The following CLDN25 variants were observed in gnomAD, a reference collection of about 807,000 sequenced individuals.
CLDN25 encodes the protein claudin-25.
For synonymous variants in CLDN25, 117 were observed against 112.7 expected, an observed-to-expected ratio of 1.04 and a Z score of -0.24; for missense variants, 286 against 279.7, an observed-to-expected ratio of 1.02 and a Z score of -0.16.
At position 113,780,174 on chromosome 11, in the gene CLDN25, G is replaced by A. The variant is rs201922794; in HGVS notation, c.379G>A (p.Ala127Thr). The A allele has an allele frequency of 1.9e-4, 300 of 1,613,994 alleles. 2 individuals carry two copies. The East Asian group carries it at 6.0e-3, about 32-fold the overall frequency. ...TGGTCTCCTGGGAAGGACTTTGGAG[G>A]CATCCGCTTCAGCCACTACCCTCCT... The change falls in exon 1 of 1, where the codon GCA becomes ACA. Residue 127 changes from alanine (A) to threonine (T), a missense_variant. Ala to Thr is a moderately conservative substitution (Grantham distance 58). Coordinates refer to ENST00000453129, the Ensembl canonical transcript of CLDN25.
At chr11:113,780,413 A>G (rs1228254429) in exon 1 of CLDN25, 44 of 1,613,504 alleles carry the variant, frequency 2.7e-5, no homozygotes, top group Non-Finnish European at 3.6e-5. Flanking sequence ...CAGTCCCCCT[A>G]TCCTGTGCTC....
chr11:113,780,372 G>A (rs754987182), exon 1 of CLDN25: 3 of 1,613,906 alleles, frequency 1.9e-6, no homozygotes, highest in Non-Finnish European at 2.5e-6. Flanking sequence ...GGGAAAAGAA[G>A]ATGTGCCTTT....
At chr11:113,779,958 G>A (rs746964341) in exon 1 of CLDN25, 39 of 1,613,600 alleles carry the variant, frequency 2.4e-5, no homozygotes, top group Admixed American at 1.0e-4. Flanking sequence ...GGAGGTCTGC[G>A]TGGATCGAGA....
rs17115958 is a variant in CLDN25 at position 113,779,918 on chromosome 11, C to A, written c.123C>A (p.Asn41Lys). The A allele has an allele frequency of 6.8e-6, 11 of 1,613,704 alleles. No homozygotes were observed. The highest frequency in any genetic ancestry group is 1.7e-5 in the Admixed American group (1 of 60,008). The change falls in exon 1 of 1, where the codon AAC (asparagine) becomes AAA (lysine). Residue 41 changes from asparagine (N) to lysine (K), a missense_variant. By Grantham distance (94) the Asn-to-Lys change is moderately conservative. Coordinates refer to ENST00000453129, the Ensembl canonical transcript of CLDN25. ...GGAAGACTCTTAATCTGGAACTGAACGAGATGGAGACCTGGATCATGGGGA... is the reference window on the plus strand; with the variant it reads ...GGAAGACTCTTAATCTGGAACTGAAAGAGATGGAGACCTGGATCATGGGGA...
Position 113,780,088 on chromosome 11 carries a change from GC to G in CLDN25, c.294del (p.Cys98Ter). 1 of 1,614,024 alleles carries G rather than the reference GC, an allele frequency of 6.2e-7. No individual in the cohort carries two copies. The highest frequency in any genetic ancestry group is 1.7e-5 in the Admixed American group (1 of 60,024). On this transcript the variant is annotated frameshift_variant, in exon 1 of 1. Coordinates refer to ENST00000453129, the Ensembl canonical transcript of CLDN25. LOFTEE classifies it low-confidence loss of function (END_TRUNC). ...CTGGGCCTATTGGGGCTTTTGCTCT[GC>G]AGCTTTGGGTCTGAATGCTTCCAGT...
rs779540850 is a variant in CLDN25 at position 113,780,234 on chromosome 11, G to C, written c.439G>C (p.Asp147His). The C allele has an allele frequency of 1.5e-5, 24 of 1,613,780 alleles. No homozygotes were observed. The highest frequency in any genetic ancestry group is 1.9e-5 in the Non-Finnish European group (22 of 1,179,882). ...CTGGGTGGCCCATGCCACAATCCAA[G>C]ACTTCTGGGATGACAGCATCCCTGA... The change falls in exon 1 of 1, where the codon GAC (aspartate) becomes CAC (histidine). Residue 147 changes from aspartate (D) to histidine (H), a missense_variant. Asp to His is a moderately conservative substitution (Grantham distance 81). Coordinates refer to ENST00000453129, the Ensembl canonical transcript of CLDN25.
exon 1 of CLDN25, chr11:113,780,025 T>A: frequency 6.2e-7 from 1 of 1,614,038 alleles, no homozygotes; most frequent in Non-Finnish European, 8.5e-7. Context: ...CCCCAGGAGC[T>A]CCAGGTAGCC....
exon 1 of CLDN25, chr11:113,780,430 A>G (rs761672821): frequency 1.9e-6 from 3 of 1,613,646 alleles, no homozygotes; most frequent in East Asian, 4.5e-5. Flanking sequence ...GCTCCAGTGG[A>G]GGAGTCAGAT....
exon 1 of CLDN25, chr11:113,780,427 T>C (rs1274009305): frequency 1.2e-6 from 2 of 1,613,890 alleles, no homozygotes; most frequent in Admixed American, 3.3e-5. Context: ...TGTGCTCCAG[T>C]GGAGGAGTCA....
exon 1 of CLDN25, chr11:113,779,970 G>C: frequency 6.2e-7 from 1 of 1,613,786 alleles, no homozygotes; most frequent in African/African-American, 1.3e-5. Context: ...GGATCGAGAG[G>C]AAGTCGCCAC....
chr11:113,780,110 C>T lies in CLDN25; in HGVS notation c.315C>T (p.Phe105=), dbSNP rs765879630. 5.0e-6 allele frequency: 8 copies of T among 1,614,014 alleles called. No homozygotes were observed. The Admixed American group carries it at 1.2e-4, about 24-fold the overall frequency. ...TCTGCAGCTTTGGGTCTGAATGCTT[C>T]CAGTTTCACAGGATCAGATGGGTAT... Residue 105 remains phenylalanine (F), a synonymous_variant, in exon 1 of 1, where the codon TTC becomes TTT. Coordinates refer to ENST00000453129, the Ensembl canonical transcript of CLDN25.
exon 1 of CLDN25, chr11:113,780,327 C>T (rs1937807687): frequency 6.2e-7 from 1 of 1,613,702 alleles, no homozygotes; most frequent in South Asian, 1.1e-5. Context: ...TTTCCTGGCT[C>T]TTGGTGGGCT....
rs753506514 is a variant in CLDN25, at chr11:113,779,830, G to C, written c.35G>C (p.Gly12Ala). ...AGTTTCCGTGCAAAAGTCCAGCTCGGGGGGCTACTTCTCTCCCTCCTTGGC... is the reference window on the plus strand; with the variant it reads ...AGTTTCCGTGCAAAAGTCCAGCTCGCGGGGCTACTTCTCTCCCTCCTTGGC... Residue 12 changes from glycine to alanine, a missense_variant, in exon 1 of 1, where the codon GGG (glycine) becomes GCG (alanine). Transcript: ENST00000453129. 15 of 1,613,366 alleles carry C rather than the reference G, an allele frequency of 9.3e-6. 1 individual carries two copies. Among genetic ancestry groups the C allele is most frequent in the African/African-American group, 6.7e-5 (5 of 75,040 alleles).
chr11:113,780,004 T>A, exon 1 of CLDN25: 1 of 1,613,976 alleles, frequency 6.2e-7, no homozygotes, highest in Non-Finnish European at 8.5e-7. Flanking sequence ...TTTGAATCCT[T>A]CTTGTCTCTG....
At chr11:113,780,114 T>C in exon 1 of CLDN25, 1 of 1,614,038 alleles carries the variant, frequency 6.2e-7, no homozygotes, top group Non-Finnish European at 8.5e-7. Flanking sequence ...ATGCTTCCAG[T>C]TTCACAGGAT....
exon 1 of CLDN25, chr11:113,779,886 C>A (rs1259241763): frequency 5.6e-6 from 9 of 1,613,876 alleles, no homozygotes; most frequent in Non-Finnish European, 7.6e-6. Context: ...CACCATCCTG[C>A]CCCAGTGGAA....
chr11:113,779,809 T>C lies in CLDN25; in HGVS notation c.14T>C (p.Phe5Ser), dbSNP rs776813904. Residue 5 changes from phenylalanine to serine, a missense_variant, in exon 1 of 1, where the codon TTC becomes TCC. Physicochemically the swap from Phe to Ser is radical, Grantham distance 155. Transcript: ENST00000453129. The stretch of plus-strand genomic sequence containing the variant: ...GTGGGAGTGACTATGGCCTGGAGTT[T>C]CCGTGCAAAAGTCCAGCTCGGGGGG... 8.1e-6 allele frequency: 13 copies of C among 1,610,766 alleles called. No homozygotes were observed. The Admixed American group carries it at 1.8e-4, about 23-fold the overall frequency.
At position 113,780,267 on chromosome 11, in the gene CLDN25, C is replaced by T. The variant is rs746991778; in HGVS notation, c.472C>T (p.Pro158Ser). ...GGATGACAGCATCCCTGACATCATACCTCGGTGGGAGTTTGGAGGTGCCCT... is the reference window on the plus strand; with the variant it reads ...GGATGACAGCATCCCTGACATCATATCTCGGTGGGAGTTTGGAGGTGCCCT... The change falls in exon 1 of 1, where the codon CCT becomes TCT. Residue 158 changes from proline to serine, a missense_variant. Pro to Ser is a moderately conservative substitution (Grantham distance 74). Coordinates refer to ENST00000453129, the Ensembl canonical transcript of CLDN25. The T allele has an allele frequency of 6.2e-6, 10 of 1,613,874 alleles. No individual in the cohort carries two copies. Among genetic ancestry groups the T allele is most frequent in the Non-Finnish European group, 8.5e-6 (10 of 1,179,862 alleles).
exon 1 of CLDN25, chr11:113,780,261 A>T (rs1248585903): frequency 1.2e-6 from 2 of 1,613,496 alleles, no homozygotes; most frequent in Admixed American, 3.3e-5. Flanking sequence ...CATCCCTGAC[A>T]TCATACCTCG....
Sources: allele counts gnomAD v4.1 joint callset, GRCh38; gene constraint gnomAD v4.1.1; transcripts MANE v1.5; gene names NCBI Gene and HGNC (gene_info 2026-07-23, HGNC 2026-07-21).